The following SRBD1 variants were observed in gnomAD, a reference collection of about 807,000 sequenced individuals.
SRBD1 encodes the protein S1 RNA-binding domain-containing protein 1.
SRBD1 carries 88 observed loss-of-function variants against 115.3 expected under a neutral mutation model. The observed-to-expected ratio is 0.76, with a 90% CI of 0.64 to 0.91. SRBD1 has a LOEUF of 0.91. SRBD1 is among the 40% of genes least tolerant of loss of function. The probability of loss-of-function intolerance (pLI) is 0.00; values close to 1 mark genes in which losing one functional copy is unlikely to be tolerated. For missense variants in SRBD1, 1,385 were observed against 1,177.4 expected, an observed-to-expected ratio of 1.18 and a Z score of -2.58; for synonymous variants, 509 against 407.7, an observed-to-expected ratio of 1.25 and a Z score of -2.99.
intron 19 of SRBD1, among the ~76,000 whole-genome samples, chr2:45,407,318 T>C (rs1322179441): frequency 6.6e-6 from 1 of 152,206 alleles, no homozygotes; most frequent in Non-Finnish European, 1.5e-5. Context: ...ATTTTCTAAA[T>C]GCCTCTTTCT....
chr2:45,399,791 T>A, intron 19 of SRBD1, among the ~76,000 whole-genome samples: 1 of 152,278 alleles, frequency 6.6e-6, no homozygotes. Context: ...AGTTAGTGGT[T>A]TCAAAGGCTA....
At chr2:45,580,050 TA>T in intron 6 of SRBD1, 37 bp from the exon 7 acceptor site, 5 of 1,438,220 alleles carry the variant, frequency 3.5e-6, no homozygotes, top group Non-Finnish European at 3.7e-6. Flanking sequence ...GATTATGTTT[TA>T]AAAAAACAAA....
At chr2:45,480,691 A>C (rs918199736) in intron 15 of SRBD1, among the ~76,000 whole-genome samples, 1 of 152,234 alleles carries the variant, frequency 6.6e-6, no homozygotes, top group Non-Finnish European at 1.5e-5. Flanking sequence ...ATCAAATATT[A>C]CATAAACTTC....
chr2:45,582,576 T>C (rs1572805139), intron 5 of SRBD1, among the ~76,000 whole-genome samples: 1 of 152,200 alleles, frequency 6.6e-6, no homozygotes, highest in East Asian at 1.9e-4. Context: ...TATATCACTA[T>C]AGATTTAATG....
chr2:45,476,698 T>C (rs1669813284), intron 16 of SRBD1, among the ~76,000 whole-genome samples: 1 of 152,244 alleles, frequency 6.6e-6, no homozygotes, highest in Non-Finnish European at 1.5e-5. Flanking sequence ...TTTATAATAA[T>C]GTTAAAAGAA....
intron 14 of SRBD1, among the ~76,000 whole-genome samples, chr2:45,501,623 C>T (rs546844296): frequency 1.3e-4 from 20 of 152,306 alleles, no homozygotes; most frequent in South Asian, 8.3e-4. Context: ...TCTTAGCAAA[C>T]GGCACACCAG....
chr2:45,507,923 A>G (rs1442260882), intron 14 of SRBD1, among the ~76,000 whole-genome samples: 1 of 152,076 alleles, frequency 6.6e-6, no homozygotes. Flanking sequence ...TAAGTGGCAG[A>G]AAAAAAGAAC....
At chr2:45,581,925 T>A in intron 5 of SRBD1, 115 bp from the exon 6 acceptor site, 1 of 740,514 alleles carries the variant, frequency 1.4e-6, no homozygotes, top group African/African-American at 1.8e-5. Flanking sequence ...TTATTGTCTC[T>A]GAACTGTTTG....
chr2:45,583,526 A>C (rs1234096003), intron 5 of SRBD1, among the ~76,000 whole-genome samples: 1 of 152,218 alleles, frequency 6.6e-6, no homozygotes, highest in Non-Finnish European at 1.5e-5. Flanking sequence ...GTTGCAACCC[A>C]GTATACATAC....
chr2:45,398,349 G>A (rs1250619987), intron 19 of SRBD1, among the ~76,000 whole-genome samples: 1 of 151,838 alleles, frequency 6.6e-6, no homozygotes, highest in Non-Finnish European at 1.5e-5. Flanking sequence ...AGCACCTCCT[G>A]CATATATGAG....
At chr2:45,558,197 G>A (rs1305530286) in intron 10 of SRBD1, among the ~76,000 whole-genome samples, 4 of 152,284 alleles carry the variant, frequency 2.6e-5, no homozygotes, top group African/African-American at 9.6e-5. Flanking sequence ...AGGTGTGGTG[G>A]TGCATGCCTG....
chr2:45,562,881 A>G lies in SRBD1; in HGVS notation c.1306-125T>C, dbSNP rs1672717306. 1.2e-5 allele frequency: 7 copies of G among 570,748 alleles called. No homozygotes were observed. In the East Asian group the frequency reaches 2.2e-4, roughly 18 times the overall value. 35.4% of individuals were successfully genotyped at this position (570,748 alleles called of 1,614,324 possible). A position where few individuals can be genotyped will look rare whatever the true frequency, so the allele number is the denominator to read the frequency against. ...ATTAAACAAGAATACATTTTAAAAT[A>G]ATCATTTACTTACACTTTTTTCAAG... is the stretch of plus-strand genomic sequence containing the variant. On this transcript the variant is annotated intron_variant, in intron 9 of 20. Transcript: ENST00000263736.
chr2:45,449,419 G>A (rs980595380), intron 16 of SRBD1, among the ~76,000 whole-genome samples: 2 of 152,128 alleles, frequency 1.3e-5, no homozygotes, highest in East Asian at 3.8e-4. Flanking sequence ...CATAAAATAA[G>A]TGATTTTAAA....
chr2:45,551,547 A>G (rs1325118617), intron 11 of SRBD1, among the ~76,000 whole-genome samples: 1 of 152,192 alleles, frequency 6.6e-6, no homozygotes, highest in East Asian at 1.9e-4. Flanking sequence ...TATAAAACCC[A>G]TATTTATAAA....
At chr2:45,601,341 C>T (rs554822091) in intron 3 of SRBD1, among the ~76,000 whole-genome samples, 24 of 152,244 alleles carry the variant, frequency 1.6e-4, no homozygotes, top group African/African-American at 5.8e-4. Flanking sequence ...AATTTCAAGT[C>T]CTTAAGATTA....
intron 4 of SRBD1, among the ~76,000 whole-genome samples, chr2:45,593,143 T>C (rs1673777060): frequency 6.6e-6 from 1 of 152,234 alleles, no homozygotes; most frequent in Non-Finnish European, 1.5e-5. Flanking sequence ...GTACTTATTT[T>C]GACTGTTGTT....
At chr2:45,422,234 G>A (rs1171431013) in intron 16 of SRBD1, among the ~76,000 whole-genome samples, 1 of 152,152 alleles carries the variant, frequency 6.6e-6, no homozygotes, top group Non-Finnish European at 1.5e-5. Context: ...ATGAGTAAGC[G>A]ACAGTCTCTG....
At chr2:45,591,070 A>C (rs1673707118) in intron 4 of SRBD1, among the ~76,000 whole-genome samples, 1 of 152,112 alleles carries the variant, frequency 6.6e-6, no homozygotes, top group Admixed American at 6.5e-5. Flanking sequence ...GTATGTCTTC[A>C]TAGCAGTGTG....
intron 16 of SRBD1, among the ~76,000 whole-genome samples, chr2:45,445,021 CA>C (rs1184909629): frequency 1.3e-5 from 2 of 152,174 alleles, no homozygotes; most frequent in African/African-American, 2.4e-5. Context: ...CAAGGCAAGA[CA>C]AAAGTCATCC....
Sources: allele counts gnomAD v4.1 joint callset (sites outside exome capture counted in the v4.1 genomes callset), GRCh38; gene constraint gnomAD v4.1.1; transcripts MANE v1.5; gene names NCBI Gene and HGNC (gene_info 2026-07-23, HGNC 2026-07-21).